The following AOAH variants were observed in gnomAD, a reference collection of about 807,000 sequenced individuals.
AOAH encodes acyloxyacyl hydrolase (neutrophil).
In AOAH, 64 loss-of-function variants were observed where a neutral mutation model predicts 92.2. That is an observed-to-expected ratio of 0.69 (90% CI 0.57 to 0.86). The LOEUF is 0.86. Ranked by LOEUF, AOAH falls within the 40% of genes least tolerant of loss-of-function variation. The pLI is 0.00. For missense variants in AOAH, 656 were observed against 694.6 expected (o/e 0.94, Z 0.62); for synonymous variants, 263 against 254.5 (o/e 1.03, Z -0.32).
At chr7:36,560,891 G>A (rs1176078064) in intron 13 of AOAH, among the ~76,000 whole-genome samples, 3 of 152,166 alleles carry the variant, frequency 2.0e-5, no homozygotes, top group African/African-American at 7.2e-5. Flanking sequence ...CCATTTCTGT[G>A]TGCATTTTGT....
At chr7:36,554,441 G>C (rs1279177543) in intron 13 of AOAH, among the ~76,000 whole-genome samples, 3 of 152,086 alleles carry the variant, frequency 2.0e-5, no homozygotes, top group African/African-American at 4.8e-5. Flanking sequence ...TTGTTCTTTT[G>C]GCTTAGGTTT....
At position 36,623,369 on chromosome 7, in the gene AOAH, T is replaced by C. The variant is rs57443480; in HGVS notation, c.522-119A>G. ...GTTGAGTTTATGCCACAGAGGGCCA[T>C]TCTAAACAGAAAATTAAGATCCTGT... On this transcript the variant is annotated intron_variant, in intron 6 of 20. Transcript: ENST00000617537. 6,879 of 843,948 alleles carry C rather than the reference T, an allele frequency of 8.2e-3. 338 individuals are homozygous for C. In the African/African-American group the frequency reaches 0.1, roughly 13 times the overall value. The allele number at this position is 843,948 out of a possible 1,614,324, so 52.3% of individuals were successfully genotyped here. A position where few individuals can be genotyped will look rare whatever the true frequency, so the allele number is the denominator to read the frequency against.
At chr7:36,594,065 C>G (rs1331445633) in intron 12 of AOAH, among the ~76,000 whole-genome samples, 1 of 152,152 alleles carries the variant, frequency 6.6e-6, no homozygotes, top group Non-Finnish European at 1.5e-5. Flanking sequence ...TTCCTTGAAT[C>G]AGAAAATTTC....
At chr7:36,632,590 T>C (rs1793202042) in intron 5 of AOAH, among the ~76,000 whole-genome samples, 1 of 152,296 alleles carries the variant, frequency 6.6e-6, no homozygotes, top group African/African-American at 2.4e-5. Context: ...GCTGTGGGTT[T>C]CTAGACAGCG....
intron 3 of AOAH, among the ~76,000 whole-genome samples, chr7:36,666,786 A>G (rs1296618385): frequency 6.6e-6 from 1 of 152,152 alleles, no homozygotes; most frequent in Non-Finnish European, 1.5e-5. Flanking sequence ...TATTTAGTTC[A>G]AAATACCTTA....
intron 19 of AOAH, among the ~76,000 whole-genome samples, chr7:36,524,085 GCTC>G (rs1202412813): frequency 1.3e-5 from 2 of 152,054 alleles, no homozygotes; most frequent in Admixed American, 6.6e-5. Flanking sequence ...TTCTACTTGT[GCTC>G]CTTTTTGCTT....
intron 3 of AOAH, among the ~76,000 whole-genome samples, chr7:36,670,890 T>C (rs1334248910): frequency 6.6e-6 from 1 of 152,192 alleles, no homozygotes; most frequent in African/African-American, 2.4e-5. Context: ...CTGATCCTTG[T>C]GCTTCACTGG....
At chr7:36,515,277 C>CAA (rs1583699470) in intron 20 of AOAH, among the ~76,000 whole-genome samples, 1 of 136,982 alleles carries the variant, frequency 7.3e-6, no homozygotes, top group Non-Finnish European at 1.6e-5. Flanking sequence ...CACACACCCC[C>CAA]ACACTACACA....
At chr7:36,647,916 C>T (rs1384072297) in intron 4 of AOAH, among the ~76,000 whole-genome samples, 2 of 151,908 alleles carry the variant, frequency 1.3e-5, no homozygotes, top group Admixed American at 6.6e-5. Flanking sequence ...CAGCAACCTC[C>T]GCCTCCTGGG....
chr7:36,651,255 T>A (rs930424843), intron 4 of AOAH, among the ~76,000 whole-genome samples: 1 of 152,240 alleles, frequency 6.6e-6, no homozygotes, highest in Non-Finnish European at 1.5e-5. Flanking sequence ...TGGAATACTG[T>A]TCTACTTAAT....
At chr7:36,643,362 T>C (rs1314618413) in intron 4 of AOAH, among the ~76,000 whole-genome samples, 1 of 151,994 alleles carries the variant, frequency 6.6e-6, no homozygotes, top group Non-Finnish European at 1.5e-5. Context: ...AGCAAGAAAA[T>C]ATGATTGATG....
chr7:36,567,034 ACTC>A (rs1787762350), intron 13 of AOAH, among the ~76,000 whole-genome samples: 1 of 151,872 alleles, frequency 6.6e-6, no homozygotes, highest in Non-Finnish European at 1.5e-5. Context: ...GTGGTCTTGA[ACTC>A]CTGATCTCAA....
intron 16 of AOAH, among the ~76,000 whole-genome samples, chr7:36,533,542 A>G (rs1331614794): frequency 1.3e-5 from 2 of 152,140 alleles, no homozygotes; most frequent in African/African-American, 2.4e-5. Flanking sequence ...AGGCTTCTGT[A>G]TCTTCACATT....
chr7:36,606,777 C>G (rs1433495251), intron 11 of AOAH, among the ~76,000 whole-genome samples: 1 of 152,022 alleles, frequency 6.6e-6, no homozygotes, highest in African/African-American at 2.4e-5. Flanking sequence ...AAAAACAAAA[C>G]CAGCATGAAA....
At chr7:36,679,352 AG>A (rs1326279461) in intron 2 of AOAH, among the ~76,000 whole-genome samples, 1 of 150,896 alleles carries the variant, frequency 6.6e-6, no homozygotes. Flanking sequence ...GAATCTTTTG[AG>A]GGGGTAATTA....
chr7:36,674,094 C>A, intron 2 of AOAH, 85 bp from the exon 3 acceptor site: 1 of 767,804 alleles, frequency 1.3e-6, no homozygotes, highest in South Asian at 1.8e-5. Context: ...TTGCTAGGAA[C>A]TGAAGCTGAG....
intron 11 of AOAH, among the ~76,000 whole-genome samples, chr7:36,598,847 TACTTCAGGC>T (rs1489424736): frequency 6.6e-6 from 1 of 152,230 alleles, no homozygotes; most frequent in Non-Finnish European, 1.5e-5. Flanking sequence ...ATATCCAAGA[TACTTCAGGC>T]ATTTGAGGCA....
chr7:36,624,810 G>A (rs1055195413), intron 6 of AOAH, among the ~76,000 whole-genome samples: 1 of 152,124 alleles, frequency 6.6e-6, no homozygotes, highest in East Asian at 1.9e-4. Context: ...CAGCAACCCC[G>A]CAGCAAGTGG....
chr7:36,699,576 A>G (rs1026158799), intron 1 of AOAH, among the ~76,000 whole-genome samples: 3 of 148,066 alleles, frequency 2.0e-5, no homozygotes, highest in Non-Finnish European at 4.5e-5. Context: ...TTGTCCATGT[A>G]TATGTCTTTT....
Sources: allele counts gnomAD v4.1 joint callset (sites outside exome capture counted in the v4.1 genomes callset), GRCh38; gene constraint gnomAD v4.1.1; transcripts MANE v1.5; gene names NCBI Gene and HGNC (gene_info 2026-07-23, HGNC 2026-07-21).